Variants in DOK6 observed in about 807,000 individuals in gnomAD.
DOK6 encodes the protein docking protein 6.
DOK6 carries 22 observed loss-of-function variants against 44.0 expected under a neutral mutation model. The ratio of observed to expected loss-of-function variants is 0.50; its 90% CI spans 0.36 to 0.71. The LOEUF (loss-of-function observed/expected upper bound fraction) is 0.71. Among genes scored for constraint, DOK6 ranks in the 30% least tolerant of loss-of-function variants. DOK6 has a pLI of 0.00. For missense variants in DOK6, 340 were observed against 416.4 expected, an observed-to-expected ratio of 0.82 and a Z score of 1.60; for synonymous variants, 166 against 145.5, an observed-to-expected ratio of 1.14 and a Z score of -1.01.
chr18:69,423,332 T>C (rs187973773), intron 1 of DOK6, among the ~76,000 whole-genome samples: 26 of 151,760 alleles, frequency 1.7e-4, no homozygotes, highest in Middle Eastern at 3.4e-3. Flanking sequence ...CAACAAAAAA[T>C]GTTGGGAATT....
chr18:69,477,997 G>T (rs970868609), intron 1 of DOK6, among the ~76,000 whole-genome samples: 5 of 152,110 alleles, frequency 3.3e-5, no homozygotes, highest in African/African-American at 1.2e-4. Context: ...TTAACAAATG[G>T]TAAGGAAAAC....
intron 7 of DOK6, among the ~76,000 whole-genome samples, chr18:69,834,027 G>C (rs1415841266): frequency 1.3e-5 from 2 of 152,082 alleles, no homozygotes; most frequent in Non-Finnish European, 2.9e-5. Context: ...CCCACTTCTA[G>C]GTACACATCC....
chr18:69,781,823 C>G (rs974705960), intron 7 of DOK6, among the ~76,000 whole-genome samples: 1 of 152,092 alleles, frequency 6.6e-6, no homozygotes, highest in Non-Finnish European at 1.5e-5. Context: ...GTGATCTTTT[C>G]ATCCAGATGA....
intron 1 of DOK6, among the ~76,000 whole-genome samples, chr18:69,538,826 C>T (rs539926876): frequency 3.2e-4 from 49 of 152,100 alleles, no homozygotes; most frequent in African/African-American, 1.1e-3. Flanking sequence ...CCTCCTCCTC[C>T]CTTCTTCTTG....
Position 69,473,385 on chromosome 18 carries a change from T to G in DOK6, c.66+72075T>G, listed in dbSNP as rs368131377. 1.6e-3 allele frequency among the ~76,000 whole-genome samples: 248 copies of G among 152,358 alleles called. 1 individual carries two copies. The highest frequency in any genetic ancestry group is 5.7e-3 in the African/African-American group (239 of 41,584). ...GAAAACTTAAATATCAAAAAGATGT[T>G]AAAAGGTCCCATCAGTTTATATGAT... On this transcript the variant is annotated intron_variant, in intron 1 of 7. Transcript: ENST00000382713.
chr18:69,463,115 G>T (rs909119905), intron 1 of DOK6, among the ~76,000 whole-genome samples: 6 of 152,158 alleles, frequency 3.9e-5, no homozygotes, highest in Admixed American at 2.6e-4. Context: ...CAAGACTGGT[G>T]TCTAGTGAGG....
At chr18:69,581,866 T>C (rs919132126) in intron 2 of DOK6, among the ~76,000 whole-genome samples, 1 of 152,148 alleles carries the variant, frequency 6.6e-6, no homozygotes, top group Non-Finnish European at 1.5e-5. Context: ...TAAATTGAAA[T>C]CATGATGGCT....
chr18:69,650,873 T>C (rs1046260113), intron 3 of DOK6, among the ~76,000 whole-genome samples: 3 of 152,250 alleles, frequency 2.0e-5, no homozygotes, highest in East Asian at 1.9e-4. Flanking sequence ...ACTTTTCCTT[T>C]GACTGTTTTC....
chr18:69,563,366 G>A (rs1982887102), intron 1 of DOK6, among the ~76,000 whole-genome samples: 1 of 152,074 alleles, frequency 6.6e-6, no homozygotes, highest in South Asian at 2.1e-4. Flanking sequence ...GTTTATTGCA[G>A]CACTATTCAC....
chr18:69,631,359 C>G (rs549014365), intron 3 of DOK6, among the ~76,000 whole-genome samples: 1 of 152,144 alleles, frequency 6.6e-6, no homozygotes, highest in South Asian at 2.1e-4. Context: ...AAAATCCAGA[C>G]AGTAATTTGA....
chr18:69,629,758 C>T (rs1984646588), intron 3 of DOK6, among the ~76,000 whole-genome samples: 1 of 152,132 alleles, frequency 6.6e-6, no homozygotes. Context: ...AACCCTCCTT[C>T]AGCCCTATGG....
intron 1 of DOK6, among the ~76,000 whole-genome samples, chr18:69,404,345 C>T (rs1382901241): frequency 6.6e-6 from 1 of 152,198 alleles, no homozygotes; most frequent in Admixed American, 6.5e-5. Context: ...GTCCCTTACC[C>T]ACTGCTTGGG....
chr18:69,650,052 G>A (rs1265609363), intron 3 of DOK6, among the ~76,000 whole-genome samples: 1 of 152,008 alleles, frequency 6.6e-6, no homozygotes, highest in East Asian at 1.9e-4. Flanking sequence ...CCAAGGAAAG[G>A]ACAAGGCAAG....
In DOK6 at chr18:69,632,067, T is replaced by C. The variant is rs556346407; in HGVS notation, c.289+32569T>C. Among the ~76,000 whole-genome samples, 211 of 152,340 alleles carry C rather than the reference T, an allele frequency of 1.4e-3. 1 individual carries two copies. The highest frequency in any genetic ancestry group is 4.8e-3 in the African/African-American group (201 of 41,580). On this transcript the variant is annotated intron_variant, in intron 3 of 7. Coordinates refer to ENST00000382713, the MANE Select transcript of DOK6 (RefSeq NM_152721.6). ...ACCTTAAATATTTCTCCTTAAAATT[T>C]AAGAAATATTTACCACTATTTGGTA...
At chr18:69,751,568 A>G (rs1008873648) in intron 6 of DOK6, among the ~76,000 whole-genome samples, 1 of 152,214 alleles carries the variant, frequency 6.6e-6, no homozygotes, top group African/African-American at 2.4e-5. Context: ...GAGAGATTCT[A>G]CATCAGTGTG....
chr18:69,496,203 G>A (rs1980884144), intron 1 of DOK6, among the ~76,000 whole-genome samples: 2 of 152,224 alleles, frequency 1.3e-5, no homozygotes, highest in East Asian at 1.9e-4. Flanking sequence ...CGTCAACGAG[G>A]GAGGCCTGGG....
chr18:69,712,010 G>A (rs367596162), intron 5 of DOK6, among the ~76,000 whole-genome samples: 11 of 151,868 alleles, frequency 7.2e-5, no homozygotes, highest in East Asian at 1.9e-4. Context: ...GGCCGGGCGC[G>A]GTGGCTCACG....
intron 7 of DOK6, among the ~76,000 whole-genome samples, chr18:69,805,496 C>A (rs1185415632): frequency 6.6e-6 from 1 of 152,000 alleles, no homozygotes; most frequent in African/African-American, 2.4e-5. Context: ...TGGATGTGTT[C>A]AAAGTAATAA....
intron 1 of DOK6, among the ~76,000 whole-genome samples, chr18:69,452,221 T>C (rs1017158085): frequency 6.7e-6 from 1 of 148,342 alleles, no homozygotes; most frequent in Non-Finnish European, 1.5e-5. Context: ...TAAAAAATGA[T>C]AAAGGGGATA....
Sources: gnomAD v4.1 joint callset for allele counts (sites outside exome capture counted in the v4.1 genomes callset) on GRCh38, gnomAD v4.1.1 for gene constraint, MANE v1.5 for transcripts, NCBI Gene and HGNC (gene_info 2026-07-23, HGNC 2026-07-21) for gene names.